Variants in TRAF6 observed in about 807,000 individuals in gnomAD.
The protein encoded by TRAF6 is TNF receptor associated factor 6.
In TRAF6, 10 loss-of-function variants were observed where a neutral mutation model predicts 48.4. The observed-to-expected ratio is 0.21, with a 90% CI of 0.13 to 0.35. The LOEUF (loss-of-function observed/expected upper bound fraction) is 0.35, where lower values mean the gene tolerates loss of function less well. Among genes scored for constraint, TRAF6 ranks in the 10% least tolerant of loss-of-function variants. The pLI is 1.00. For missense variants in TRAF6, 397 were observed against 661.0 expected (o/e 0.60, Z 4.38); for synonymous variants, 186 against 219.6 (o/e 0.85, Z 1.35).
In TRAF6 at chr11:36,500,328, G is replaced by T. The variant is rs141535868; in HGVS notation, c.296+892C>A. 4.1e-4 allele frequency among the ~76,000 whole-genome samples: 63 copies of T among 152,208 alleles called. 1 individual carries two copies. The highest frequency in any genetic ancestry group is 3.4e-3 in the Middle Eastern group (1 of 294). ...TTGAGCCAAAGTGGAAGAGTTAAGG[G>T]GTTAGCTGTGGCAAGAGTGTTACAA... On this transcript the variant is annotated intron_variant, in intron 2 of 6. Transcript: ENST00000526995.
intron 1 of TRAF6, among the ~76,000 whole-genome samples, chr11:36,504,982 C>T (rs1265636107): frequency 2.6e-5 from 4 of 152,184 alleles, no homozygotes; most frequent in Non-Finnish European, 5.9e-5. Flanking sequence ...TTAAAATATT[C>T]AGTAAACTAC....
chr11:36,508,206 T>C (rs1859833937), intron 1 of TRAF6, among the ~76,000 whole-genome samples: 1 of 152,014 alleles, frequency 6.6e-6, no homozygotes, highest in Non-Finnish European at 1.5e-5. Flanking sequence ...CAGGAATTAA[T>C]GAAGGGATGG....
rs1037049193 is a variant in TRAF6, at chr11:36,486,706, T to C, written c.*3132A>G. ...ACCAATAAACAGTCTTTGCTGCCAA[T>C]AGATAGTAATAAACTACCAAACTTC... On this transcript the variant is annotated 3_prime_UTR_variant, in exon 7 of 7. Transcript: ENST00000526995. Among the ~76,000 whole-genome samples the C allele has an allele frequency of 3.9e-5, 6 of 152,160 alleles. No individual in the cohort carries two copies. The highest frequency in any genetic ancestry group is 4.1e-4 in the South Asian group (2 of 4,834).
Position 36,490,684 on chromosome 11 carries a change from A to G in TRAF6, c.757-34T>C. On this transcript the variant is annotated intron_variant, in intron 6 of 6. Transcript: ENST00000526995. The surrounding 1 kb of genome is among the most constrained non-coding windows in gnomAD (Gnocchi z 6.4). ...CAAGCACAAGCCTTAGGCTGGGAAT[A>G]GATACCGTGAGGAGTAGGAAAAGGA... 1 of 1,569,516 alleles carries G rather than the reference A, an allele frequency of 6.4e-7. No individual in the cohort carries two copies. The highest frequency in any genetic ancestry group is 8.7e-7 in the Non-Finnish European group (1 of 1,155,190).
chr11:36,495,317 A>C (rs752378774), intron 4 of TRAF6, among the ~76,000 whole-genome samples: 3 of 152,186 alleles, frequency 2.0e-5, no homozygotes, highest in Non-Finnish European at 4.4e-5. Flanking sequence ...TTTTATCCTG[A>C]GGTGGTACAC....
rs370057355 is a variant in TRAF6, at chr11:36,501,431, C to T, written c.85G>A (p.Ala29Thr). Residue 29 changes from alanine to threonine, a missense_variant, in exon 2 of 7, where the codon GCT (alanine) becomes ACT (threonine). Physicochemically the swap from Ala to Thr is moderately conservative, Grantham distance 58. Around this residue, in one of 4 missense-constraint regions of TRAF6, gnomAD observed 73 missense variants for 87.3 expected, o/e 0.84. Coordinates refer to ENST00000526995, the MANE Select transcript of TRAF6 (RefSeq NM_004620.4). The stretch of plus-strand genomic sequence containing the variant: ...CCCACACTATCATCTTTTGTTACAG[C>T]GCTACAGGAGCTGGCCATGGCCACA... The part of the protein sequence containing the change: ...CCVAMASSCS[A>T]VTKDDSVGGT... 23 of 1,613,994 alleles carry T rather than the reference C, an allele frequency of 1.4e-5. 1 individual carries two copies. The South Asian group carries it at 1.6e-4, about 12-fold the overall frequency.
chr11:36,507,749 A>G (rs1174155417), intron 1 of TRAF6, among the ~76,000 whole-genome samples: 1 of 139,192 alleles, frequency 7.2e-6, no homozygotes, highest in Non-Finnish European at 1.6e-5. Flanking sequence ...ACACATACAT[A>G]CATGTATTAT....
chr11:36,506,211 C>A (rs778494941), intron 1 of TRAF6, among the ~76,000 whole-genome samples: 9 of 151,506 alleles, frequency 5.9e-5, no homozygotes, highest in Admixed American at 2.0e-4. Context: ...CTGTACATTT[C>A]TGTGTCCAAT....
rs1461127637 is a variant in TRAF6 at position 36,486,147 on chromosome 11, C to T, written c.*3691G>A. The stretch of plus-strand genomic sequence containing the variant: ...CTGTGCTTCCCGGGTTCAAGCGATT[C>T]CCGTGCCTCAGCCTCCCAAGAAGCT... On this transcript the variant is annotated 3_prime_UTR_variant, in exon 7 of 7. Coordinates refer to ENST00000526995, the MANE Select transcript of TRAF6 (RefSeq NM_004620.4). 6.6e-6 allele frequency among the ~76,000 whole-genome samples: 1 copy of T among 152,110 alleles called. No homozygotes were observed. The highest frequency in any genetic ancestry group is 1.5e-5 in the Non-Finnish European group (1 of 68,040).
rs751519275 is a variant in TRAF6 at position 36,510,217 on chromosome 11, G to T, written c.-192C>A. ...AGTGGGAGCCTTCGCCACCTTCGCT[G>T]GCCGCCCGCAGGCCAAGCCCCAGCT... On this transcript the variant is annotated 5_prime_UTR_variant, in exon 1 of 7. Transcript: ENST00000526995. The T allele has an allele frequency of 1.3e-5, 2 of 152,280 alleles. No individual in the cohort carries two copies. The highest frequency in any genetic ancestry group is 2.9e-5 in the Non-Finnish European group (2 of 68,182). 9.4% of individuals were successfully genotyped at this position (152,280 alleles called of 1,614,324 possible).
Position 36,490,349 on chromosome 11 carries a change from T to G in TRAF6, c.1058A>C (p.Tyr353Ser), listed in dbSNP as rs762641979. The G allele has an allele frequency of 6.2e-7, 1 of 1,614,230 alleles. No individual in the cohort carries two copies. Among genetic ancestry groups the G allele is most frequent in the Non-Finnish European group, 8.5e-7 (1 of 1,180,034 alleles). The change falls in exon 7 of 7, where the codon TAT (tyrosine) becomes TCT (serine). Residue 353 changes from tyrosine to serine, a missense_variant. By Grantham distance (144) the Tyr-to-Ser change is moderately radical (BLOSUM62 -2). Around this residue, in one of 4 missense-constraint regions of TRAF6, gnomAD observed 245 missense variants for 349.1 expected, o/e 0.70. Transcript: ENST00000526995. The surrounding 1 kb of genome is among the most constrained non-coding windows in gnomAD (Gnocchi z 6.4). Reference sequence around the variant, plus strand: ...TCCAAAGTTGCCAATCTTCCAAATATAAATTCCATTGCACTGCTGTGCTTC... The same window carrying G: ...TCCAAAGTTGCCAATCTTCCAAATAGAAATTCCATTGCACTGCTGTGCTTC... ...EIEAQQCNGI[Y>S]IWKIGNFGMH... is the part of the protein sequence containing the mutation.
intron 4 of TRAF6, among the ~76,000 whole-genome samples, chr11:36,495,616 G>A (rs144026500): frequency 2.1e-3 from 314 of 152,224 alleles, no homozygotes; most frequent in Middle Eastern, 6.8e-3. Flanking sequence ...TTGTCGGGCC[G>A]GGCGTGGTGG....
chr11:36,486,505 T>G lies in TRAF6; in HGVS notation c.*3333A>C, dbSNP rs142504022. Among the ~76,000 whole-genome samples the G allele has an allele frequency of 6.6e-6, 1 of 152,110 alleles. No individual in the cohort carries two copies. The highest frequency in any genetic ancestry group is 6.5e-5 in the Admixed American group (1 of 15,274). ...AGACTTACTGGTGTAAAAACGGTAA[T>G]AGAGAATTATACTGTGACCTGTATA... On this transcript the variant is annotated 3_prime_UTR_variant, in exon 7 of 7. Transcript: ENST00000526995.
intron 1 of TRAF6, among the ~76,000 whole-genome samples, chr11:36,509,767 C>T (rs908684383): frequency 2.0e-5 from 3 of 152,034 alleles, no homozygotes; most frequent in African/African-American, 7.2e-5. Flanking sequence ...AGGCTGCGTC[C>T]CGACCTGCAG....
rs1462635671 is a variant in TRAF6, at chr11:36,485,265, CA to C, written c.*4572del. Among the ~76,000 whole-genome samples the C allele has an allele frequency of 2.0e-5, 3 of 152,198 alleles. No individual in the cohort carries two copies. In the East Asian group the frequency reaches 5.8e-4, roughly 29 times the overall value. On this transcript the variant is annotated 3_prime_UTR_variant, in exon 7 of 7. Transcript: ENST00000526995. ...ATCTAAAATTTACATGACAAGGTACCAGAAATTGGTCAGCTTCAACTGCTGC... is the reference window on the plus strand; with the variant it reads ...ATCTAAAATTTACATGACAAGGTACCGAAATTGGTCAGCTTCAACTGCTGC...
At chr11:36,500,627 A>C (rs1859703054) in intron 2 of TRAF6, among the ~76,000 whole-genome samples, 1 of 152,226 alleles carries the variant, frequency 6.6e-6, no homozygotes, top group African/African-American at 2.4e-5. Context: ...GAAGACAAGA[A>C]TAGAAAGCAG....
rs1441975568 is a variant in TRAF6 at position 36,490,575 on chromosome 11, G to C, written c.832C>G (p.His278Asp). ...GAGTCGGGTATAACGCTCAAACTAT[G>C]AACAGCCTGGGCCAACATTCTCATG... ...SHMRMLAQAV[H>D]SLSVIPDSGY... Residue 278 changes from histidine to aspartate, a missense_variant, in exon 7 of 7, where the codon CAT (histidine) becomes GAT (aspartate). His to Asp is a moderately conservative substitution (Grantham distance 81). Coordinates refer to ENST00000526995, the MANE Select transcript of TRAF6 (RefSeq NM_004620.4). The surrounding 1 kb of genome is among the most constrained non-coding windows in gnomAD (Gnocchi z 6.4). 1 of 1,614,112 alleles carries C rather than the reference G, an allele frequency of 6.2e-7. No homozygotes were observed. Among genetic ancestry groups the C allele is most frequent in the South Asian group, 1.1e-5 (1 of 91,068 alleles).
intron 5 of TRAF6, among the ~76,000 whole-genome samples, chr11:36,493,200 T>G (rs1044039349): frequency 6.6e-6 from 1 of 152,214 alleles, no homozygotes; most frequent in African/African-American, 2.4e-5. Context: ...CAGTCCTGGA[T>G]TTTGGGACTC....
chr11:36,501,869 C>G (rs1445237000), intron 1 of TRAF6: 1 of 165,728 alleles, frequency 6.0e-6, no homozygotes, highest in African/African-American at 2.4e-5. Flanking sequence ...TTGTAATACT[C>G]TTCTATATCA....
Sources: allele counts gnomAD v4.1 joint callset (sites outside exome capture counted in the v4.1 genomes callset), GRCh38; gene constraint gnomAD v4.1.1; regional missense constraint gnomAD v4.1.1; non-coding constraint Gnocchi (gnomAD v3.1); transcripts MANE v1.5; gene names NCBI Gene and HGNC (gene_info 2026-07-23, HGNC 2026-07-21).